The following RPS6KA2 variants were observed in gnomAD, a reference collection of about 807,000 sequenced individuals.
RPS6KA2 encodes the protein ribosomal protein S6 kinase A2.
RPS6KA2 carries 42 observed loss-of-function variants against 91.8 expected under a neutral mutation model. The observed-to-expected ratio is 0.46, with a 90% CI of 0.36 to 0.59. The LOEUF is 0.59. Ranked by LOEUF, RPS6KA2 falls within the 20% of genes least tolerant of loss-of-function variation. The pLI is 0.00. For missense variants in RPS6KA2, 798 were observed against 978.5 expected (o/e 0.82, Z 2.46); for synonymous variants, 414 against 393.6 (o/e 1.05, Z -0.61).
chr6:166,502,655 G>C (rs1046905870), intron 6 of RPS6KA2, among the ~76,000 whole-genome samples: 1 of 152,204 alleles, frequency 6.6e-6, no homozygotes, highest in Middle Eastern at 3.2e-3. Flanking sequence ...ATTAATACCA[G>C]GTTAACTTCT....
intron 2 of RPS6KA2, among the ~76,000 whole-genome samples, chr6:166,788,472 G>A (rs986676130): frequency 6.6e-6 from 1 of 152,198 alleles, no homozygotes; most frequent in Non-Finnish European, 1.5e-5. Flanking sequence ...TAAAGAAAAT[G>A]TGGTACATAT....
chr6:166,701,491 G>T, intron 2 of RPS6KA2: 1 of 1,224,322 alleles, frequency 8.2e-7, no homozygotes, highest in Non-Finnish European at 1.2e-6. Context: ...CTTAGCATCT[G>T]GTGCTTCCAC....
chr6:166,447,213 C>T (rs939483700), intron 14 of RPS6KA2, among the ~76,000 whole-genome samples: 24 of 152,190 alleles, frequency 1.6e-4, no homozygotes, highest in Middle Eastern at 6.3e-3. Context: ...CTTCACACCA[C>T]GGGTGGACAT....
chr6:166,520,777 G>A (rs1341827713), intron 3 of RPS6KA2, among the ~76,000 whole-genome samples: 1 of 152,148 alleles, frequency 6.6e-6, no homozygotes, highest in Non-Finnish European at 1.5e-5. Flanking sequence ...TCTTCTTAGG[G>A]AATAACTAAG....
At chr6:166,687,245 C>G (rs990954409) in intron 2 of RPS6KA2, among the ~76,000 whole-genome samples, 1 of 152,166 alleles carries the variant, frequency 6.6e-6, no homozygotes, top group African/African-American at 2.4e-5. Flanking sequence ...ATACCTGCCT[C>G]GCTTCGTTGA....
rs186045160 is a variant in RPS6KA2, at chr6:166,447,777, G to A, written c.1332+947C>T. Reference sequence around the variant, plus strand: ...CTGGCTGGGCAGATGTTCTTTGAAGGGCAAGCGTAGCACCGTGTGCTACAG... The same window carrying A: ...CTGGCTGGGCAGATGTTCTTTGAAGAGCAAGCGTAGCACCGTGTGCTACAG... On this transcript the variant is annotated intron_variant, in intron 14 of 20. Coordinates refer to ENST00000265678, the MANE Select transcript of RPS6KA2 (RefSeq NM_021135.6). Among the ~76,000 whole-genome samples, 366 of 152,260 alleles carry A rather than the reference G, an allele frequency of 2.4e-3. 1 individual carries two copies. Among genetic ancestry groups the A allele is most frequent in the Middle Eastern group, 6.8e-3 (2 of 294 alleles).
At chr6:166,735,007 A>C (rs1288981839) in intron 2 of RPS6KA2, among the ~76,000 whole-genome samples, 2 of 152,202 alleles carry the variant, frequency 1.3e-5, no homozygotes, top group Non-Finnish European at 1.5e-5. Flanking sequence ...ATAGCCTTGC[A>C]CTGCCACTGA....
In RPS6KA2 at chr6:166,849,343, C is replaced by T. The variant is rs575610665; in HGVS notation, c.123+8857G>A. ...CCTATTTCTGCACAGTACTTACCCC[C>T]GTGTGAAACCATCTTGTTGAGCTAG... On this transcript the variant is annotated intron_variant, in intron 2 of 21. Coordinates refer to the RPS6KA2 transcript ENST00000503859. The surrounding 1 kb of genome is among the most constrained non-coding windows in gnomAD (Gnocchi z 4.9). 3.3e-5 allele frequency among the ~76,000 whole-genome samples: 5 copies of T among 152,218 alleles called. No homozygotes were observed. Among genetic ancestry groups the T allele is most frequent in the South Asian group, 2.1e-4 (1 of 4,832 alleles).
At chr6:166,462,723 G>A (rs1190746710) in intron 11 of RPS6KA2, among the ~76,000 whole-genome samples, 1 of 152,114 alleles carries the variant, frequency 6.6e-6, no homozygotes, top group South Asian at 2.1e-4. Context: ...CCCCTCACAC[G>A]GCAGCAGGAG....
At chr6:166,786,838 G>A (rs1778943321) in intron 2 of RPS6KA2, among the ~76,000 whole-genome samples, 1 of 152,152 alleles carries the variant, frequency 6.6e-6, no homozygotes. Context: ...CATCAGTAGA[G>A]TAATATATAT....
At chr6:166,838,543 C>A (rs1780378396) in intron 2 of RPS6KA2, among the ~76,000 whole-genome samples, 1 of 152,132 alleles carries the variant, frequency 6.6e-6, no homozygotes, top group Admixed American at 6.5e-5. Flanking sequence ...TTCAAAGTCC[C>A]CCAATTGTCC....
chr6:166,678,851 G>A (rs118005212), intron 2 of RPS6KA2, among the ~76,000 whole-genome samples: 8,143 of 152,304 alleles, frequency 0.053, 294 homozygotes, highest in Non-Finnish European at 0.08. Context: ...CGCAAAGCAG[G>A]TATTTTTTGA....
At chr6:166,780,460 C>T (rs1183138103) in intron 2 of RPS6KA2, among the ~76,000 whole-genome samples, 1 of 152,182 alleles carries the variant, frequency 6.6e-6, no homozygotes, top group African/African-American at 2.4e-5. Flanking sequence ...GCCTGCGGCA[C>T]CTGGACCTGG....
intron 2 of RPS6KA2, among the ~76,000 whole-genome samples, chr6:166,691,598 C>G (rs1789207786): frequency 6.6e-6 from 1 of 152,076 alleles, no homozygotes. Flanking sequence ...CCAGGGAGCT[C>G]CGACCCTCTC....
rs1237678053 is a variant in RPS6KA2 at position 166,435,779 on chromosome 6, T to C, written c.1333-3289A>G. Among the ~76,000 whole-genome samples, 2 of 152,242 alleles carry C rather than the reference T, an allele frequency of 1.3e-5. No individual in the cohort carries two copies. Among genetic ancestry groups the C allele is most frequent in the African/African-American group, 4.8e-5 (2 of 41,468 alleles). On this transcript the variant is annotated intron_variant, in intron 14 of 20. Transcript: ENST00000265678. This position sits in a 1 kb window ranked among gnomAD's most constrained non-coding sequence, Gnocchi z 4.3. Reference sequence around the variant, plus strand: ...GTGTGGGTGGCTTGGCCTGTGGCCATGTCACTTGCTGGTACTTGAATGTGG... The same window carrying C: ...GTGTGGGTGGCTTGGCCTGTGGCCACGTCACTTGCTGGTACTTGAATGTGG...
At chr6:166,580,970 C>T (rs895118649) in intron 1 of RPS6KA2, among the ~76,000 whole-genome samples, 2 of 152,088 alleles carry the variant, frequency 1.3e-5, no homozygotes, top group African/African-American at 2.4e-5. Flanking sequence ...GGCGCAATCT[C>T]GGCTCACTGC....
chr6:166,429,998 C>T (rs140469454), intron 16 of RPS6KA2, among the ~76,000 whole-genome samples: 47 of 150,676 alleles, frequency 3.1e-4, no homozygotes, highest in Non-Finnish European at 3.4e-4. Flanking sequence ...CGTCCTGTCA[C>T]GCAGGCTGGA....
At chr6:166,469,180 G>A (rs924836648) in intron 11 of RPS6KA2, among the ~76,000 whole-genome samples, 5 of 152,164 alleles carry the variant, frequency 3.3e-5, no homozygotes, top group Non-Finnish European at 5.9e-5. Context: ...GCAGAAATAG[G>A]CAATTGACAC....
chr6:166,833,162 T>C (rs1305163694), intron 2 of RPS6KA2, among the ~76,000 whole-genome samples: 1 of 152,234 alleles, frequency 6.6e-6, no homozygotes, highest in Middle Eastern at 3.2e-3. Context: ...CTACACGTGA[T>C]GAAACAAGCT....
Sources: gnomAD v4.1 joint callset for allele counts (sites outside exome capture counted in the v4.1 genomes callset) on GRCh38, gnomAD v4.1.1 for gene constraint, Gnocchi (gnomAD v3.1) non-coding constraint, MANE v1.5 for transcripts, NCBI Gene and HGNC (gene_info 2026-07-23, HGNC 2026-07-21) for gene names.